The following MSRA variants were observed in gnomAD, a reference collection of about 807,000 sequenced individuals.
MSRA encodes the protein methionine sulfoxide reductase A.
MSRA carries 54 observed loss-of-function variants against 31.3 expected under a neutral mutation model. That is an observed-to-expected ratio of 1.73 (90% CI 1.39 to 2.17). The LOEUF (loss-of-function observed/expected upper bound fraction) is 2.17. Ranked by LOEUF, MSRA falls within the 30% of genes most tolerant of loss-of-function variation. The pLI, the probability that MSRA is intolerant of heterozygous loss-of-function variation, is 0.00. For missense variants in MSRA, 507 were observed against 300.9 expected (o/e 1.69, Z -5.07); for synonymous variants, 169 against 116.5 (o/e 1.45, Z -2.90).
At chr8:10,322,866 C>T (rs538594429) in intron 5 of MSRA, among the ~76,000 whole-genome samples, 57 of 152,120 alleles carry the variant, frequency 3.7e-4, no homozygotes, top group African/African-American at 1.1e-3. Flanking sequence ...CTGAAGTGGG[C>T]GGATCATGAG....
intron 1 of MSRA, among the ~76,000 whole-genome samples, chr8:10,122,514 G>A (rs2062332): frequency 0.51 from 76,793 of 151,696 alleles, 20,417 homozygotes; most frequent in East Asian, 0.95. Flanking sequence ...GGCTGAGGCA[G>A]TGGAAGTATT....
intron 5 of MSRA, among the ~76,000 whole-genome samples, chr8:10,346,449 G>A (rs1043226262): frequency 6.6e-6 from 1 of 152,104 alleles, no homozygotes; most frequent in Non-Finnish European, 1.5e-5. Context: ...CTGCACCCTA[G>A]CCTTCATAAC....
intron 4 of MSRA, among the ~76,000 whole-genome samples, chr8:10,306,598 G>T (rs1211351551): frequency 6.6e-6 from 1 of 152,076 alleles, no homozygotes. Context: ...GAGGCTGGTG[G>T]ATCCTTGCTC....
intron 1 of MSRA, among the ~76,000 whole-genome samples, chr8:10,078,732 T>A (rs551148848): frequency 5.2e-5 from 8 of 152,382 alleles, no homozygotes; most frequent in African/African-American, 1.9e-4. Flanking sequence ...GCCCTTCCCA[T>A]GGCTTCAGTC....
chr8:10,414,568 C>G (rs1157111489), intron 5 of MSRA, among the ~76,000 whole-genome samples: 2 of 152,214 alleles, frequency 1.3e-5, no homozygotes, highest in African/African-American at 4.8e-5. Context: ...TCTAGTGGCT[C>G]TGAATTGCTG....
At chr8:10,181,900 C>G (rs567535405) in intron 1 of MSRA, among the ~76,000 whole-genome samples, 1 of 152,312 alleles carries the variant, frequency 6.6e-6, no homozygotes, top group Non-Finnish European at 1.5e-5. Flanking sequence ...TGCCTTGGCT[C>G]AACTTCGTGA....
At chr8:10,100,493 G>A (rs534270530) in intron 1 of MSRA, among the ~76,000 whole-genome samples, 1 of 152,220 alleles carries the variant, frequency 6.6e-6, no homozygotes, top group South Asian at 2.1e-4. Context: ...GGCCAGGGAG[G>A]GCAGTGTTCC....
intron 5 of MSRA, among the ~76,000 whole-genome samples, chr8:10,369,240 T>C (rs1220347294): frequency 1.3e-5 from 2 of 149,138 alleles, no homozygotes; most frequent in Non-Finnish European, 3.0e-5. Flanking sequence ...CCTCCTTTCA[T>C]AGAGTTCTTT....
chr8:10,246,677 T>C (rs1430850417), intron 3 of MSRA, among the ~76,000 whole-genome samples: 2 of 152,204 alleles, frequency 1.3e-5, no homozygotes, highest in Non-Finnish European at 2.9e-5. Flanking sequence ...GAATTCTATT[T>C]TGAAATAAAA....
intron 2 of MSRA, among the ~76,000 whole-genome samples, chr8:10,231,189 C>T (rs1585226145): frequency 1.3e-5 from 2 of 151,396 alleles, no homozygotes; most frequent in East Asian, 1.9e-4. Context: ...CTGAGGCGGG[C>T]GGACAGGGAG....
intron 1 of MSRA, among the ~76,000 whole-genome samples, chr8:10,069,657 C>CT (rs1444092540): frequency 6.6e-6 from 1 of 152,138 alleles, no homozygotes; most frequent in Non-Finnish European, 1.5e-5. Context: ...GTGAAGCCTC[C>CT]TTTATAAGGG....
intron 2 of MSRA, among the ~76,000 whole-genome samples, chr8:10,225,021 C>G (rs1310684584): frequency 6.6e-6 from 1 of 152,126 alleles, no homozygotes; most frequent in African/African-American, 2.4e-5. Flanking sequence ...GCCTGTAATC[C>G]CAGCTACTCC....
intron 1 of MSRA, among the ~76,000 whole-genome samples, chr8:10,084,329 C>T (rs552072234): frequency 6.6e-6 from 1 of 152,244 alleles, no homozygotes; most frequent in Admixed American, 6.5e-5. Context: ...CTTTGCGGCC[C>T]TCTGCTGCCT....
Position 10,234,455 on chromosome 8 carries a change from AT to A in MSRA, c.212-10640del, listed in dbSNP as rs1027791692. ...GTAAGGGTAAACACTAGAAGAACAG[AT>A]TTTTTTTTCGTTTTGCCTCCAAATT... On this transcript the variant is annotated intron_variant, in intron 2 of 5. Transcript: ENST00000317173. Among the ~76,000 whole-genome samples, 8 of 151,506 alleles carry A rather than the reference AT, an allele frequency of 5.3e-5. No homozygotes were observed. In the East Asian group the frequency reaches 7.8e-4, roughly 15 times the overall value.
intron 1 of MSRA, among the ~76,000 whole-genome samples, chr8:10,064,444 G>C (rs1022666658): frequency 1.3e-5 from 2 of 151,984 alleles, no homozygotes; most frequent in Non-Finnish European, 2.9e-5. Context: ...GTGTTTCTCA[G>C]CAGGGTATAT....
chr8:10,330,281 A>G (rs1802620456), intron 5 of MSRA, among the ~76,000 whole-genome samples: 1 of 151,990 alleles, frequency 6.6e-6, no homozygotes, highest in Non-Finnish European at 1.5e-5. Context: ...GAGCCCCTTC[A>G]GTTTTATGAT....
At chr8:10,295,039 T>C (rs527723268) in intron 3 of MSRA, among the ~76,000 whole-genome samples, 1 of 152,134 alleles carries the variant, frequency 6.6e-6, no homozygotes, top group Non-Finnish European at 1.5e-5. Context: ...ATGAGTTTAT[T>C]AGGACTTACA....
At chr8:10,100,690 A>C (rs1799476043) in intron 1 of MSRA, among the ~76,000 whole-genome samples, 1 of 152,158 alleles carries the variant, frequency 6.6e-6, no homozygotes, top group Non-Finnish European at 1.5e-5. Context: ...CACCTCTGCA[A>C]AGCTCGACTT....
intron 5 of MSRA, among the ~76,000 whole-genome samples, chr8:10,375,307 C>G (rs745480043): frequency 6.6e-6 from 1 of 152,216 alleles, no homozygotes; most frequent in Non-Finnish European, 1.5e-5. Context: ...TTAGCCTGAT[C>G]AGGAGCTGTT....
Sources: allele counts gnomAD v4.1 joint callset (sites outside exome capture counted in the v4.1 genomes callset), GRCh38; gene constraint gnomAD v4.1.1; transcripts MANE v1.5; gene names NCBI Gene and HGNC (gene_info 2026-07-23, HGNC 2026-07-21).